WDR75: variants seen among roughly 807,000 people sequenced by gnomAD.
WDR75 encodes WD repeat-containing protein 75.
WDR75 carries 52 observed loss-of-function variants against 106.1 expected under a neutral mutation model. The ratio of observed to expected loss-of-function variants is 0.49; its 90% CI spans 0.39 to 0.62. The LOEUF (loss-of-function observed/expected upper bound fraction) is 0.62. Ranked by LOEUF, WDR75 falls within the 20% of genes least tolerant of loss-of-function variation. WDR75 has a pLI of 0.00. For missense variants in WDR75, 905 were observed against 970.3 expected, an observed-to-expected ratio of 0.93 and a Z score of 0.89; for synonymous variants, 333 against 335.5, an observed-to-expected ratio of 0.99 and a Z score of 0.08.
At position 189,465,234 on chromosome 2, in the gene WDR75, G is replaced by A. The variant is rs1402334507; in HGVS notation, c.1269G>A (p.Met423Ile). ...TTGAATTGCAAATGAAACTGTGGAT[G>A]TATAATAAGAAAACACAAGGGTAAT... ...TELELQMKLW[M>I]YNKKTQGFIL... The change falls in exon 12 of 21, where the codon ATG becomes ATA. Residue 423 changes from methionine (M) to isoleucine (I), a missense_variant. Transcript: ENST00000314761. 6.2e-7 allele frequency: 1 copy of A among 1,612,152 alleles called. No individual in the cohort carries two copies. The highest frequency in any genetic ancestry group is 8.5e-7 in the Non-Finnish European group (1 of 1,178,868).
Position 189,459,331 on chromosome 2 carries a change from A to T in WDR75, c.690-5A>T. On this transcript the variant is annotated splice_region_variant and splice_polypyrimidine_tract_variant and intron_variant, in intron 7 of 20. Transcript: ENST00000314761. ...CAAAATAAGAGTTTTATCTTTCTCC[A>T]ATAGGAGGAATTTTTATGATGATAA... 6.2e-7 allele frequency: 1 copy of T among 1,602,538 alleles called. No homozygotes were observed. Among genetic ancestry groups the T allele is most frequent in the East Asian group, 2.2e-5 (1 of 44,700 alleles).
chr2:189,470,090 C>T lies in WDR75; in HGVS notation c.1834C>T (p.Pro612Ser). ...TTTCCCTCTAGTGTTTGTATTTAAA[C>T]CTAGTGAGCCAAGGCCATTGTATAT... ...SVGSDLFVFK[P>S]SEPRPLYIQK... Residue 612 changes from proline (P) to serine (S), a missense_variant, in exon 17 of 21, where the codon CCT (proline) becomes TCT (serine). By Grantham distance (74) the Pro-to-Ser change is moderately conservative. Transcript: ENST00000314761. The T allele has an allele frequency of 6.2e-7, 1 of 1,610,940 alleles. No homozygotes were observed. The highest frequency in any genetic ancestry group is 8.5e-7 in the Non-Finnish European group (1 of 1,178,716).
At chr2:189,456,724 C>T (rs1686744164) in intron 5 of WDR75, among the ~76,000 whole-genome samples, 1 of 152,128 alleles carries the variant, frequency 6.6e-6, no homozygotes, top group Non-Finnish European at 1.5e-5. Context: ...GTATATCAAA[C>T]ATTGCATTTT....
rs1169249620 is a variant in WDR75 at position 189,471,559 on chromosome 2, T to C, written c.2049+681T>C. ...TGCTTAGTTTTCTATTCTCATGTAA[T>C]TCAACCCCAAATTCTGCTCAAGTTG... On this transcript the variant is annotated intron_variant, in intron 18 of 20. Transcript: ENST00000314761. Among the ~76,000 whole-genome samples the C allele has an allele frequency of 2.0e-5, 3 of 152,230 alleles. No individual in the cohort carries two copies. The East Asian group carries it at 5.8e-4, about 29-fold the overall frequency.
chr2:189,452,085 G>T (rs1037537600), intron 4 of WDR75, 190 bp downstream of exon 4: 1 of 504,752 alleles, frequency 2.0e-6, no homozygotes, highest in Non-Finnish European at 3.5e-6. Context: ...GTGAGGGAGG[G>T]ATTATTTTTT....
intron 18 of WDR75, 129 bp downstream of exon 18, chr2:189,471,007 A>G (rs1476827758): frequency 6.1e-6 from 3 of 490,586 alleles, no homozygotes; most frequent in African/African-American, 2.0e-5. Flanking sequence ...ATACTTATAA[A>G]CTGATATGTG....
At chr2:189,449,255 C>A (rs1215540224) in intron 2 of WDR75, 3 of 1,303,426 alleles carry the variant, frequency 2.3e-6, no homozygotes, top group Non-Finnish European at 3.0e-6. Flanking sequence ...TCACAGCCAA[C>A]TTGGAAGTTA....
intron 1 of WDR75, among the ~76,000 whole-genome samples, chr2:189,443,746 C>G (rs1686435461): frequency 6.6e-6 from 1 of 152,204 alleles, no homozygotes; most frequent in African/African-American, 2.4e-5. Context: ...AGCTTGAAAT[C>G]TGGGGGCCTT....
chr2:189,468,773 C>CA (rs1687056701), intron 15 of WDR75, among the ~76,000 whole-genome samples: 1 of 152,192 alleles, frequency 6.6e-6, no homozygotes. Context: ...GTTGGTACGT[C>CA]AGCTTCCATT....
rs770493419 is a variant in WDR75 at position 189,469,405 on chromosome 2, T to C, written c.1785T>C (p.Ile595=). Residue 595 remains isoleucine, a synonymous_variant, in exon 16 of 21, where the codon ATT becomes ATC. Coordinates refer to ENST00000314761, the MANE Select transcript of WDR75 (RefSeq NM_032168.3). ...VMEPDPNSEN[I]AAISQSSVGS... The stretch of plus-strand genomic sequence containing the variant: ...AACCCGATCCTAATTCAGAGAATAT[T>C]GCTGCAATCTCTCAGTCTTCAGTGG... 6.2e-7 allele frequency: 1 copy of C among 1,613,604 alleles called. No homozygotes were observed. The highest frequency in any genetic ancestry group is 1.7e-5 in the Admixed American group (1 of 59,970).
At chr2:189,468,257 G>GT (rs1687045899) in intron 14 of WDR75, among the ~76,000 whole-genome samples, 1 of 152,128 alleles carries the variant, frequency 6.6e-6, no homozygotes, top group African/African-American at 2.4e-5. Flanking sequence ...GTGTGTTAAA[G>GT]AATTGGTCAT....
intron 6 of WDR75, among the ~76,000 whole-genome samples, chr2:189,457,924 C>CTTTT (rs11395971): frequency 2.5e-4 from 29 of 116,336 alleles, no homozygotes; most frequent in African/African-American, 5.9e-4. Flanking sequence ...GCCAAGATTG[C>CTTTT]TTTTTTTTTT....
Position 189,458,735 on chromosome 2 carries a change from G to GTTTT in WDR75, c.570-11_570-8dup. 1 of 1,391,970 alleles carries GTTTT rather than the reference G, an allele frequency of 7.2e-7. No homozygotes were observed. Among genetic ancestry groups the GTTTT allele is most frequent in the African/African-American group, 1.5e-5 (1 of 67,158 alleles). 86.2% of individuals were successfully genotyped at this position (1,391,970 alleles called of 1,614,324 possible). A position where few individuals can be genotyped will look rare whatever the true frequency, so the allele number is the denominator to read the frequency against. On this transcript the variant is annotated splice_polypyrimidine_tract_variant and intron_variant, in intron 6 of 20. Transcript: ENST00000314761. Reference sequence around the variant, plus strand: ...GAGACTTTAATAATTAAGGGAATTTGTTTTTTTTTTCTCCTAGGTTTACTT... The same window carrying GTTTT: ...GAGACTTTAATAATTAAGGGAATTTGTTTTTTTTTTTTTTCTCCTAGGTTTACTT...
intron 15 of WDR75, 79 bp downstream of exon 15, chr2:189,468,648 G>A: frequency 7.1e-7 from 1 of 1,412,346 alleles, no homozygotes; most frequent in South Asian, 1.2e-5. Context: ...TTAGGACTTA[G>A]GGATCATATC....
At chr2:189,469,150 A>G (rs1687064021) in intron 15 of WDR75, among the ~76,000 whole-genome samples, 194 bp from the exon 16 acceptor site, 1 of 152,190 alleles carries the variant, frequency 6.6e-6, no homozygotes, top group African/African-American at 2.4e-5. Flanking sequence ...TAGTTTGTAC[A>G]AGGAGCACTA....
chr2:189,462,312 A>AC (rs1258605774), intron 8 of WDR75, among the ~76,000 whole-genome samples, 172 bp from the exon 9 acceptor site: 23 of 152,208 alleles, frequency 1.5e-4, no homozygotes, highest in African/African-American at 5.5e-4. Flanking sequence ...AAATTCCTGA[A>AC]CCAGTGATCA....
Position 189,450,910 on chromosome 2 carries a change from C to A in WDR75, c.224C>A (p.Ser75Tyr). 6.2e-7 allele frequency: 1 copy of A among 1,610,070 alleles called. No homozygotes were observed. The highest frequency in any genetic ancestry group is 8.5e-7 in the Non-Finnish European group (1 of 1,178,986). Residue 75 changes from serine to tyrosine, a missense_variant, in exon 3 of 21, where the codon TCT (serine) becomes TAT (tyrosine). Transcript: ENST00000314761. ...ATTGTTTTACCCTTTTAGCTGTATT[C>A]TTGTTCCCTTGATGGCACAATTAAA... ...LNPNNHLQLY[S>Y]CSLDGTIKLW...
chr2:189,468,518 G>A lies in WDR75; in HGVS notation c.1672G>A (p.Gly558Ser). The change falls in exon 15 of 21, where the codon GGT (glycine) becomes AGT (serine). Residue 558 changes from glycine to serine, a missense_variant. Transcript: ENST00000314761. ...GRLTCSKYLL[G>S]ATENGILCCW... is the part of the protein sequence containing the mutation. The stretch of plus-strand genomic sequence containing the variant: ...ATTGACGTGTTCAAAGTATCTACTT[G>A]GTGCTACTGAAAATGGCATTCTTTG... The A allele has an allele frequency of 1.9e-6, 3 of 1,613,328 alleles. No individual in the cohort carries two copies. Among genetic ancestry groups the A allele is most frequent in the Non-Finnish European group, 2.5e-6 (3 of 1,179,456 alleles).
chr2:189,473,360 A>G (rs1346449147), intron 18 of WDR75, among the ~76,000 whole-genome samples: 1 of 152,234 alleles, frequency 6.6e-6, no homozygotes, highest in Non-Finnish European at 1.5e-5. Context: ...TCTGGCAGAA[A>G]TAGAAGAAAC....
Sources: allele counts gnomAD v4.1 joint callset (sites outside exome capture counted in the v4.1 genomes callset), GRCh38; gene constraint gnomAD v4.1.1; transcripts MANE v1.5; gene names NCBI Gene and HGNC (gene_info 2026-07-23, HGNC 2026-07-21).